SBF2: variants seen among roughly 807,000 people sequenced by gnomAD.
SBF2 encodes myotubularin-related protein 13.
In SBF2, 112 loss-of-function variants were observed where a neutral mutation model predicts 225.2. The ratio of observed to expected loss-of-function variants is 0.50; its 90% confidence interval spans 0.43 to 0.58. The LOEUF is 0.58. SBF2 is among the 20% of genes least tolerant of loss of function. SBF2 has a pLI of 0.00. For synonymous variants in SBF2, 763 were observed against 773.3 expected, an observed-to-expected ratio of 0.99 and a Z score of 0.22; for missense variants, 1,996 against 2,206.2, an observed-to-expected ratio of 0.90 and a Z score of 1.91.
At chr11:9,924,067 G>A (rs551682753) in intron 16 of SBF2, among the ~76,000 whole-genome samples, 1 of 152,344 alleles carries the variant, frequency 6.6e-6, no homozygotes, top group Admixed American at 6.5e-5. Flanking sequence ...AGGAAAGCAA[G>A]ACTAGTGTCT....
At chr11:9,885,482 T>A (rs1030864241) in intron 17 of SBF2, among the ~76,000 whole-genome samples, 4 of 152,114 alleles carry the variant, frequency 2.6e-5, no homozygotes, top group African/African-American at 9.7e-5. Flanking sequence ...TAGGTCTGTA[T>A]ACTTCACGAT....
At chr11:9,853,748 T>C (rs747380348) in intron 19 of SBF2, 36 bp from the exon 20 acceptor site, 1 of 1,592,648 alleles carries the variant, frequency 6.3e-7, no homozygotes, top group Non-Finnish European at 8.6e-7. Context: ...TGGTCAGTAC[T>C]TAAATGCAAC....
At chr11:10,002,238 C>T (rs1399355948) in intron 7 of SBF2, among the ~76,000 whole-genome samples, 1 of 152,110 alleles carries the variant, frequency 6.6e-6, no homozygotes, top group Non-Finnish European at 1.5e-5. Context: ...AATAGAATCT[C>T]TATCATTATA....
At position 9,962,006 on chromosome 11, in the gene SBF2, T is replaced by C; in HGVS notation, c.1811A>G (p.Asp604Gly). Reference protein sequence around the residue: ...LHVQQNRAILDHQQFDYIIRM... With the variant: ...LHVQQNRAILGHQQFDYIIRM... ...TATTATGTAGTCAAACTGTTGATGG[T>C]CTAATATTGCCCGGTTTTGCTGGAC... Residue 604 changes from aspartate (D) to glycine (G), a missense_variant, in exon 16 of 40, where the codon GAC becomes GGC. Transcript: ENST00000256190. 6.2e-7 allele frequency: 1 copy of C among 1,614,104 alleles called. No homozygotes were observed. Among genetic ancestry groups the C allele is most frequent in the Non-Finnish European group, 8.5e-7 (1 of 1,179,950 alleles).
intron 16 of SBF2, among the ~76,000 whole-genome samples, chr11:9,953,540 G>A (rs1275528609): frequency 1.3e-5 from 2 of 152,184 alleles, no homozygotes; most frequent in African/African-American, 4.8e-5. Context: ...CAGCAACCTG[G>A]ATGAGATTGG....
intron 3 of SBF2, among the ~76,000 whole-genome samples, chr11:10,032,320 C>A (rs745673399): frequency 6.6e-6 from 1 of 152,164 alleles, no homozygotes; most frequent in African/African-American, 2.4e-5. Context: ...TCTATTGCTA[C>A]CATAACGCTG....
intron 3 of SBF2, among the ~76,000 whole-genome samples, chr11:10,042,010 T>C (rs371452826): frequency 3.9e-5 from 6 of 152,048 alleles, no homozygotes; most frequent in African/African-American, 1.4e-4. Flanking sequence ...ACAACTCATG[T>C]AAAACTTAAA....
chr11:9,918,056 AC>A (rs200683488), intron 16 of SBF2, among the ~76,000 whole-genome samples: 10,979 of 151,614 alleles, frequency 0.072, 522 homozygotes, highest in East Asian at 0.099. Flanking sequence ...TATCCACCCA[AC>A]AATATGTTTA....
chr11:9,959,216 T>G, intron 16 of SBF2: 1 of 778,074 alleles, frequency 1.3e-6, no homozygotes, highest in Non-Finnish European at 2.4e-6. Context: ...TGGGCAGGCA[T>G]GACCTCAGCA....
Position 9,847,083 on chromosome 11 carries a change from A to G in SBF2, c.2807T>C (p.Val936Ala), listed in dbSNP as rs1856603709. 2 of 1,613,596 alleles carry G rather than the reference A, an allele frequency of 1.2e-6. No homozygotes were observed. Among genetic ancestry groups the G allele is most frequent in the African/African-American group, 1.3e-5 (1 of 74,886 alleles). Residue 936 changes from valine (V) to alanine (A), a missense_variant and splice_region_variant, in exon 23 of 40, where the codon GTG (valine) becomes GCG (alanine). Physicochemically the swap from Val to Ala is moderately conservative, Grantham distance 64. Transcript: ENST00000256190. ...GCTCCGCACAACTGTCTGCTCACCC[A>G]CTGTAAATAGACAGGACACAGCTTC... ...LFRGTPHDQLVGEQTVVRSFP... is the reference protein window; with the variant it reads ...LFRGTPHDQLAGEQTVVRSFP...
intron 2 of SBF2, among the ~76,000 whole-genome samples, chr11:10,064,305 A>G (rs1936352564): frequency 6.6e-6 from 1 of 152,170 alleles, no homozygotes; most frequent in Non-Finnish European, 1.5e-5. Flanking sequence ...CATAAGTTAA[A>G]CAAGGATTGT....
intron 1 of SBF2, among the ~76,000 whole-genome samples, chr11:10,255,723 T>C (rs573699000): frequency 1.8e-4 from 28 of 152,298 alleles, no homozygotes; most frequent in African/African-American, 6.0e-4. Flanking sequence ...TAAAAAAGCA[T>C]TTTTGCTGAA....
At chr11:10,096,103 C>T (rs1590945298) in intron 2 of SBF2, among the ~76,000 whole-genome samples, 1 of 152,050 alleles carries the variant, frequency 6.6e-6, no homozygotes, top group East Asian at 1.9e-4. Flanking sequence ...CCATGCCACA[C>T]TGACTCAACA....
rs569405967 is a variant in SBF2 at position 9,839,760 on chromosome 11, A to G, written c.3257-64T>C. 6 of 1,456,026 alleles carry G rather than the reference A, an allele frequency of 4.1e-6. No homozygotes were observed. The East Asian group carries it at 7.0e-5, about 17-fold the overall frequency. 90.2% of individuals were successfully genotyped at this position (1,456,026 alleles called of 1,614,324 possible). ...TCAAAGCAATTGAGGTCTTCAGGGT[A>G]GTACCTGTGGGGAGCTCACTCTCAT... is the stretch of plus-strand genomic sequence containing the variant. On this transcript the variant is annotated intron_variant, in intron 25 of 39. Coordinates refer to ENST00000256190, the MANE Select transcript of SBF2 (RefSeq NM_030962.4).
intron 13 of SBF2, among the ~76,000 whole-genome samples, chr11:9,975,997 T>C (rs776151618): frequency 7.2e-5 from 11 of 152,308 alleles, no homozygotes; most frequent in Non-Finnish European, 1.2e-4. Flanking sequence ...TAGGATTCTA[T>C]TTGGTTCAAT....
intron 32 of SBF2, among the ~76,000 whole-genome samples, chr11:9,796,524 A>C (rs960867166): frequency 6.6e-6 from 1 of 152,222 alleles, no homozygotes; most frequent in Non-Finnish European, 1.5e-5. Context: ...AGGGGACAGC[A>C]AGAGATGTTT....
At chr11:10,277,539 G>A (rs1236486323) in intron 1 of SBF2, among the ~76,000 whole-genome samples, 1 of 152,180 alleles carries the variant, frequency 6.6e-6, no homozygotes, top group African/African-American at 2.4e-5. Flanking sequence ...TGTGTTTGTG[G>A]TGAGTTGAAT....
intron 6 of SBF2, among the ~76,000 whole-genome samples, chr11:10,025,657 T>G (rs1278220402): frequency 6.6e-6 from 1 of 152,178 alleles, no homozygotes; most frequent in African/African-American, 2.4e-5. Flanking sequence ...TGGAGTGAAG[T>G]GGCATGATCT....
At chr11:9,984,190 G>A (rs1335115762) in intron 13 of SBF2, among the ~76,000 whole-genome samples, 1 of 152,118 alleles carries the variant, frequency 6.6e-6, no homozygotes, top group Admixed American at 6.6e-5. Flanking sequence ...GATACAAGAA[G>A]TGAATGGAGA....
Sources: gnomAD v4.1 joint callset for allele counts (sites outside exome capture counted in the v4.1 genomes callset) on GRCh38, gnomAD v4.1.1 for gene constraint, MANE v1.5 for transcripts, NCBI Gene and HGNC (gene_info 2026-07-23, HGNC 2026-07-21) for gene names.